The following MARCHF1 variants were observed in gnomAD, a reference collection of about 807,000 sequenced individuals.
The protein encoded by MARCHF1 is E3 ubiquitin-protein ligase MARCHF1.
A neutral mutation model predicts 54.2 loss-of-function variants in MARCHF1; 40 were observed. The observed-to-expected ratio is 0.74, with a 90% CI of 0.57 to 0.96. MARCHF1 has a LOEUF of 0.96. Ranked by LOEUF, MARCHF1 falls within the 40% of genes least tolerant of loss-of-function variation. The probability of loss-of-function intolerance (pLI) is 0.00; values close to 1 mark genes in which losing one functional copy is unlikely to be tolerated. For synonymous variants in MARCHF1, 236 were observed against 236.3 expected (o/e 1.00, Z 0.01); for missense variants, 586 against 656.5 (o/e 0.89, Z 1.17).
At chr4:164,136,638 T>C (rs55735971) in intron 1 of MARCHF1, among the ~76,000 whole-genome samples, 13,457 of 152,186 alleles carry the variant, frequency 0.088, 693 homozygotes, top group East Asian at 0.2. Flanking sequence ...AGAAGGCTGC[T>C]TGGGACGCCT....
At chr4:164,179,079 C>A (rs907498830) in intron 1 of MARCHF1, among the ~76,000 whole-genome samples, 1 of 152,200 alleles carries the variant, frequency 6.6e-6, no homozygotes, top group Admixed American at 6.5e-5. Context: ...ACTACGTTCT[C>A]CTCCTCATAC....
chr4:163,932,335 A>G (rs1170481493), intron 3 of MARCHF1, among the ~76,000 whole-genome samples: 1 of 152,212 alleles, frequency 6.6e-6, no homozygotes, highest in Non-Finnish European at 1.5e-5. Flanking sequence ...ATGCTAAACT[A>G]TTTGATAGCA....
Position 163,830,246 on chromosome 4 carries a change from G to A in MARCHF1, c.111+23775C>T, listed in dbSNP as rs115124075. ...AGGAATATTTCATCTCTCTTTTTACGCTGCTTTTTTCTTAAATATATATTA... is the reference window on the plus strand; with the variant it reads ...AGGAATATTTCATCTCTCTTTTTACACTGCTTTTTTCTTAAATATATATTA... On this transcript the variant is annotated intron_variant, in intron 4 of 9. Transcript: ENST00000514618. 3.6e-3 allele frequency among the ~76,000 whole-genome samples: 539 copies of A among 149,442 alleles called. 1 individual carries two copies. The highest frequency in any genetic ancestry group is 0.012 in the African/African-American group (494 of 40,636).
intron 1 of MARCHF1, among the ~76,000 whole-genome samples, chr4:164,186,385 C>G (rs1730971415): frequency 6.6e-6 from 1 of 152,178 alleles, no homozygotes. Context: ...TAGCCATGCT[C>G]TATGTGATTC....
intron 3 of MARCHF1, among the ~76,000 whole-genome samples, chr4:163,983,121 T>C (rs938415471): frequency 3.3e-5 from 5 of 152,184 alleles, no homozygotes; most frequent in African/African-American, 9.7e-5. Flanking sequence ...TACTCAGGCC[T>C]ATCCTGCCTG....
intron 3 of MARCHF1, among the ~76,000 whole-genome samples, chr4:163,913,872 T>C (rs1283220979): frequency 7.9e-5 from 12 of 152,208 alleles, no homozygotes; most frequent in Admixed American, 6.6e-4. Flanking sequence ...GATCAGACTC[T>C]TGGCTTTCAT....
intron 2 of MARCHF1, among the ~76,000 whole-genome samples, chr4:164,000,911 G>T (rs1011804000): frequency 6.6e-6 from 1 of 151,566 alleles, no homozygotes; most frequent in Non-Finnish European, 1.5e-5. Context: ...CCTCTGTTTA[G>T]AATTTTTTAA....
At chr4:164,116,819 T>A (rs1481965381) in intron 1 of MARCHF1, among the ~76,000 whole-genome samples, 1 of 152,066 alleles carries the variant, frequency 6.6e-6, no homozygotes, top group African/African-American at 2.4e-5. Flanking sequence ...AAAGAATGGC[T>A]AGATCTCTTA....
At chr4:164,099,577 G>A (rs1755491625) in intron 2 of MARCHF1, among the ~76,000 whole-genome samples, 1 of 152,090 alleles carries the variant, frequency 6.6e-6, no homozygotes, top group African/African-American at 2.4e-5. Flanking sequence ...AGAAAGCAAT[G>A]AAGCATAAAA....
intron 2 of MARCHF1, among the ~76,000 whole-genome samples, chr4:164,089,845 C>T (rs920416860): frequency 1.1e-4 from 16 of 151,906 alleles, no homozygotes; most frequent in Admixed American, 3.3e-4. Flanking sequence ...AGCAAGCTTG[C>T]TGTATTTTGA....
chr4:164,072,573 A>G (rs916386137), intron 2 of MARCHF1, among the ~76,000 whole-genome samples: 1 of 152,080 alleles, frequency 6.6e-6, no homozygotes, highest in Non-Finnish European at 1.5e-5. Flanking sequence ...AGAAGAAAAT[A>G]AAATAAAATA....
At chr4:164,046,700 A>G (rs1335256153) in intron 2 of MARCHF1, among the ~76,000 whole-genome samples, 1 of 152,234 alleles carries the variant, frequency 6.6e-6, no homozygotes, top group Non-Finnish European at 1.5e-5. Flanking sequence ...GAACATAAAG[A>G]ACATTATTTT....
intron 1 of MARCHF1, among the ~76,000 whole-genome samples, chr4:164,369,721 TAAG>T (rs1229828554): frequency 6.6e-6 from 1 of 152,170 alleles, no homozygotes; most frequent in East Asian, 1.9e-4. Context: ...ACCTCTACCA[TAAG>T]ATTGATTTGA....
At chr4:164,135,389 T>A (rs569292458) in intron 1 of MARCHF1, 1 of 152,292 alleles carries the variant, frequency 6.6e-6, no homozygotes, top group East Asian at 1.9e-4. Flanking sequence ...GACTGGGTAA[T>A]TTATAAAGAA....
At chr4:163,852,728 C>T (rs1457409731) in intron 4 of MARCHF1, among the ~76,000 whole-genome samples, 1 of 152,144 alleles carries the variant, frequency 6.6e-6, no homozygotes, top group Non-Finnish European at 1.5e-5. Flanking sequence ...AAAGCCTATT[C>T]TTTCAGATGA....
chr4:163,825,533 T>C (rs891453662), intron 4 of MARCHF1, among the ~76,000 whole-genome samples: 1 of 152,068 alleles, frequency 6.6e-6, no homozygotes, highest in African/African-American at 2.4e-5. Context: ...CTTTCCACAA[T>C]GGCTGAACTA....
intron 1 of MARCHF1, among the ~76,000 whole-genome samples, chr4:164,164,088 TAAG>T (rs1730308443): frequency 6.6e-6 from 1 of 151,880 alleles, no homozygotes; most frequent in Non-Finnish European, 1.5e-5. Context: ...AAGCAGTTCT[TAAG>T]AAAGATTAAT....
intron 1 of MARCHF1, among the ~76,000 whole-genome samples, chr4:164,117,202 G>C (rs1279028322): frequency 4.6e-5 from 7 of 151,994 alleles, no homozygotes; most frequent in Non-Finnish European, 8.8e-5. Context: ...AGGTTGCGGT[G>C]AGCCGAGATC....
At chr4:164,287,153 T>TTATA (rs562836216) in intron 1 of MARCHF1, among the ~76,000 whole-genome samples, 1 of 148,504 alleles carries the variant, frequency 6.7e-6, no homozygotes, top group South Asian at 2.1e-4. Context: ...ATTTTATGTT[T>TTATA]TATATATATA....
Sources: gnomAD v4.1 joint callset for allele counts (sites outside exome capture counted in the v4.1 genomes callset) on GRCh38, gnomAD v4.1.1 for gene constraint, MANE v1.5 for transcripts, NCBI Gene and HGNC (gene_info 2026-07-23, HGNC 2026-07-21) for gene names.